The following ALPK2 variants were observed in gnomAD, a reference collection of about 807,000 sequenced individuals.
ALPK2 encodes alpha kinase 2, also known as alpha-protein kinase 2.
Under a neutral mutation model 163.1 loss-of-function variants are expected in ALPK2, and 127 were observed. The ratio of observed to expected loss-of-function variants is 0.78; its 90% CI spans 0.67 to 0.90. The LOEUF is 0.90. Ranked by LOEUF, ALPK2 falls within the 40% of genes least tolerant of loss-of-function variation. The pLI, the probability that ALPK2 is intolerant of heterozygous loss-of-function variation, is 0.00. For synonymous variants in ALPK2, 953 were observed against 959.1 expected (o/e 0.99, Z 0.12); for missense variants, 2,360 against 2,589.6 (o/e 0.91, Z 1.92).
intron 10 of ALPK2, among the ~76,000 whole-genome samples, chr18:58,509,583 G>C (rs1050723780): frequency 1.3e-5 from 2 of 151,734 alleles, no homozygotes; most frequent in African/African-American, 4.8e-5. Flanking sequence ...ATTCTAACTG[G>C]TGTGAGATGG....
chr18:58,482,639 A>G (rs2051317560), intron 12 of ALPK2, among the ~76,000 whole-genome samples: 1 of 152,168 alleles, frequency 6.6e-6, no homozygotes, highest in South Asian at 2.1e-4. Flanking sequence ...CCAGGAGAAG[A>G]AGAATTTTTG....
At chr18:58,488,747 G>C (rs371844981) in intron 12 of ALPK2, among the ~76,000 whole-genome samples, 1 of 151,932 alleles carries the variant, frequency 6.6e-6, no homozygotes, top group Non-Finnish European at 1.5e-5. Flanking sequence ...AGGTCAGGAT[G>C]GGGGTGAAGA....
chr18:58,580,582 A>G (rs756337145), intron 3 of ALPK2, 34 bp from the exon 4 acceptor site: 35 of 1,544,304 alleles, frequency 2.3e-5, no homozygotes, highest in Non-Finnish European at 2.9e-5. Flanking sequence ...TAAGTTTGCC[A>G]CATTTGGACA....
chr18:58,553,849 GGTTTT>G, intron 4 of ALPK2, among the ~76,000 whole-genome samples: 1 of 63,580 alleles, frequency 1.6e-5, no homozygotes, highest in African/African-American at 6.1e-5. Context: ...TTTTTTTTTT[GGTTTT>G]TTTTTTTTTT....
chr18:58,615,595 T>C (rs1446844400), intron 1 of ALPK2, among the ~76,000 whole-genome samples: 1 of 152,252 alleles, frequency 6.6e-6, no homozygotes, highest in East Asian at 1.9e-4. Flanking sequence ...AGTTCACTTG[T>C]TTCATCAGTT....
Position 58,536,552 on chromosome 18 carries a change from G to C in ALPK2, c.3635C>G (p.Pro1212Arg). 1 of 1,613,934 alleles carries C rather than the reference G, an allele frequency of 6.2e-7. No homozygotes were observed. Among genetic ancestry groups the C allele is most frequent in the Non-Finnish European group, 8.5e-7 (1 of 1,180,018 alleles). The change falls in exon 5 of 13, where the codon CCA becomes CGA. Residue 1212 changes from proline (P) to arginine (R), a missense_variant. Pro to Arg is a moderately radical substitution (Grantham distance 103). Transcript: ENST00000361673. ...TTCCAAAAGGATATCAGAGAGAGAT[G>C]GAACGTTGCTCAGAGCCTGACTGTC... Reference protein sequence around the residue: ...EEDSQALSNVPSLSDILLEES... With the variant: ...EEDSQALSNVRSLSDILLEES...
At chr18:58,529,933 G>A (rs551235173) in intron 5 of ALPK2, among the ~76,000 whole-genome samples, 1 of 152,328 alleles carries the variant, frequency 6.6e-6, no homozygotes, top group East Asian at 1.9e-4. Context: ...GCAGCCACTG[G>A]GCGGCAGCCT....
At chr18:58,557,724 A>T (rs2051802259) in intron 4 of ALPK2, among the ~76,000 whole-genome samples, 1 of 148,498 alleles carries the variant, frequency 6.7e-6, no homozygotes, top group Non-Finnish European at 1.5e-5. Flanking sequence ...ATTGGATTGT[A>T]TTTATAGTTT....
At chr18:58,576,699 G>A (rs775810268) in intron 4 of ALPK2, among the ~76,000 whole-genome samples, 8 of 152,110 alleles carry the variant, frequency 5.3e-5, no homozygotes, top group Non-Finnish European at 7.4e-5. Context: ...AACTTTTTGC[G>A]TGGGTAAAAG....
At chr18:58,497,405 C>A (rs2051406353) in intron 12 of ALPK2, among the ~76,000 whole-genome samples, 1 of 152,064 alleles carries the variant, frequency 6.6e-6, no homozygotes, top group African/African-American at 2.4e-5. Flanking sequence ...CAGTGGCAGT[C>A]AAGTAAAGAA....
intron 4 of ALPK2, among the ~76,000 whole-genome samples, chr18:58,573,368 A>ATG (rs1448468905): frequency 9.6e-5 from 14 of 146,050 alleles, no homozygotes; most frequent in Non-Finnish European, 2.1e-4. Context: ...GTGTGTGTAT[A>ATG]TATATATGTG....
intron 11 of ALPK2, among the ~76,000 whole-genome samples, chr18:58,498,379 A>C (rs901273902): frequency 2.6e-5 from 4 of 152,192 alleles, no homozygotes; most frequent in Non-Finnish European, 5.9e-5. Context: ...CATGACAAGG[A>C]GGGAGCTGGC....
intron 8 of ALPK2, among the ~76,000 whole-genome samples, chr18:58,521,924 G>A (rs1008466588): frequency 6.6e-6 from 1 of 152,052 alleles, no homozygotes; most frequent in South Asian, 2.1e-4. Flanking sequence ...ACCGCGCCTG[G>A]CCTATTGCTA....
chr18:58,545,978 G>A (rs1352812271), intron 4 of ALPK2, among the ~76,000 whole-genome samples: 1 of 152,148 alleles, frequency 6.6e-6, no homozygotes, highest in African/African-American at 2.4e-5. Context: ...ACCACCTGGG[G>A]CTGCAAAACT....
rs762534562 is a variant in ALPK2, at chr18:58,535,853, G to A, written c.4334C>T (p.Ala1445Val). The A allele has an allele frequency of 6.8e-6, 11 of 1,614,124 alleles. No individual in the cohort carries two copies. Among genetic ancestry groups the A allele is most frequent in the East Asian group, 2.2e-5 (1 of 44,878 alleles). Residue 1445 changes from alanine to valine, a missense_variant, in exon 5 of 13, where the codon GCG becomes GTG. Coordinates refer to ENST00000361673, the MANE Select transcript of ALPK2 (RefSeq NM_052947.4). ...TTGCAAAATGGCCGGCTGGATTTCC[G>A]CTTCGTGGCCCATGTTTCCGTCATT... ...QSNDGNMGHEAEIQPAILQVP... is the reference protein window; with the variant it reads ...QSNDGNMGHEVEIQPAILQVP...
At chr18:58,623,787 G>A (rs1568104356) in intron 1 of ALPK2, among the ~76,000 whole-genome samples, 1 of 152,286 alleles carries the variant, frequency 6.6e-6, no homozygotes, top group East Asian at 1.9e-4. Flanking sequence ...CCATTTCTGA[G>A]GCAGGACTGT....
intron 4 of ALPK2, among the ~76,000 whole-genome samples, chr18:58,567,640 C>T (rs2051863406): frequency 6.6e-6 from 1 of 152,122 alleles, no homozygotes; most frequent in African/African-American, 2.4e-5. Context: ...AGAATGATGT[C>T]AGTATAACCA....
At chr18:58,519,954 T>C (rs2051541099) in intron 8 of ALPK2, among the ~76,000 whole-genome samples, 1 of 152,038 alleles carries the variant, frequency 6.6e-6, no homozygotes, top group South Asian at 2.1e-4. Context: ...GTAAGAGTAA[T>C]GAAGGTAACA....
chr18:58,490,615 C>T (rs556536400), intron 12 of ALPK2, among the ~76,000 whole-genome samples: 2 of 152,120 alleles, frequency 1.3e-5, no homozygotes, highest in South Asian at 2.1e-4. Context: ...CCCTCATAGC[C>T]TCCCTGGCTG....
Sources: allele counts gnomAD v4.1 joint callset (sites outside exome capture counted in the v4.1 genomes callset), GRCh38; gene constraint gnomAD v4.1.1; transcripts MANE v1.5; gene names NCBI Gene and HGNC (gene_info 2026-07-23, HGNC 2026-07-21).